DCDC2: variants seen among roughly 807,000 people sequenced by gnomAD.
DCDC2 encodes the protein doublecortin domain-containing protein 2.
Under a neutral mutation model 50.2 loss-of-function variants are expected in DCDC2, and 40 were observed. That is an observed-to-expected ratio of 0.80 (90% CI 0.62 to 1.04). The LOEUF (loss-of-function observed/expected upper bound fraction) is 1.04. DCDC2 is among the 50% of genes least tolerant of loss of function. The probability of loss-of-function intolerance (pLI) is 0.00; values close to 1 mark genes in which losing one functional copy is unlikely to be tolerated. For missense variants in DCDC2, 570 were observed against 581.9 expected, an observed-to-expected ratio of 0.98 and a Z score of 0.21; for synonymous variants, 234 against 210.6, an observed-to-expected ratio of 1.11 and a Z score of -0.96.
At chr6:24,368,918 G>A in the DCDC2 span, among the ~76,000 whole-genome samples, 1 of 152,136 alleles carries the variant, frequency 6.6e-6, no homozygotes, top group South Asian at 2.1e-4. Flanking sequence ...CGGATCATTT[G>A]AAGTCAAGAG....
intron 7 of DCDC2, among the ~76,000 whole-genome samples, chr6:24,221,713 T>C (rs1310873613): frequency 6.6e-6 from 1 of 152,240 alleles, no homozygotes; most frequent in Non-Finnish European, 1.5e-5. Context: ...GTGAAGTGGA[T>C]ATTTTTAGCC....
At chr6:24,182,546 A>G (rs1761096673) in intron 8 of DCDC2, among the ~76,000 whole-genome samples, 1 of 150,444 alleles carries the variant, frequency 6.6e-6, no homozygotes, top group South Asian at 2.1e-4. Context: ...AATCACATGA[A>G]AAGATTGTCA....
chr6:24,249,314 T>C (rs1408775480), intron 7 of DCDC2, among the ~76,000 whole-genome samples: 2 of 152,180 alleles, frequency 1.3e-5, no homozygotes, highest in African/African-American at 4.8e-5. Context: ...CTAGTATTAA[T>C]TGCTAAAATT....
chr6:24,277,187 G>C (rs1763378078), intron 7 of DCDC2, among the ~76,000 whole-genome samples: 3 of 152,102 alleles, frequency 2.0e-5, no homozygotes, highest in Admixed American at 6.5e-5. Context: ...CTCCCAGGTG[G>C]AAGGTAAGGC....
intron 2 of DCDC2, among the ~76,000 whole-genome samples, chr6:24,310,983 G>C (rs1003226792): frequency 1.3e-5 from 2 of 152,086 alleles, no homozygotes; most frequent in Non-Finnish European, 2.9e-5. Context: ...ACCTAGCATG[G>C]TCTAACCAGG....
the DCDC2 span, among the ~76,000 whole-genome samples, chr6:24,370,641 T>C: frequency 6.6e-6 from 1 of 152,094 alleles, no homozygotes; most frequent in Non-Finnish European, 1.5e-5. Context: ...GCCTGGGAGA[T>C]CAAGGCTGTA....
intron 2 of DCDC2, among the ~76,000 whole-genome samples, chr6:24,307,841 G>A (rs78484188): frequency 0.033 from 5,033 of 151,920 alleles, 232 homozygotes; most frequent in African/African-American, 0.11. Context: ...TAGACTGAAC[G>A]GGCCCTATTT....
intron 4 of DCDC2, 119 bp from the exon 5 acceptor site, chr6:24,291,197 C>T: frequency 9.9e-7 from 1 of 1,014,776 alleles, no homozygotes; most frequent in Non-Finnish European, 1.4e-6. Context: ...TAAAAACATT[C>T]TGTACTTAAT....
chr6:24,261,247 C>T (rs932806952), intron 7 of DCDC2, among the ~76,000 whole-genome samples: 33 of 142,716 alleles, frequency 2.3e-4, no homozygotes, highest in Non-Finnish European at 3.9e-4. Flanking sequence ...CAGAATGTCT[C>T]TACCTTTGTT....
chr6:24,216,740 T>C (rs1253476393), intron 7 of DCDC2, among the ~76,000 whole-genome samples: 1 of 152,264 alleles, frequency 6.6e-6, no homozygotes, highest in East Asian at 1.9e-4. Context: ...TCTCATGAAA[T>C]GCAAACATTT....
chr6:24,381,325 T>G, the DCDC2 span, among the ~76,000 whole-genome samples: 2 of 152,140 alleles, frequency 1.3e-5, no homozygotes, highest in Admixed American at 6.6e-5. Context: ...ACAATGTACC[T>G]TAGATCCCCA....
chr6:24,191,434 G>T (rs1406836101), intron 8 of DCDC2, among the ~76,000 whole-genome samples: 2 of 152,188 alleles, frequency 1.3e-5, no homozygotes, highest in African/African-American at 4.8e-5. Context: ...TATTATGTAT[G>T]TGTAGACCAA....
At chr6:24,291,818 T>G (rs1763759354) in intron 4 of DCDC2, among the ~76,000 whole-genome samples, 1 of 152,192 alleles carries the variant, frequency 6.6e-6, no homozygotes, top group African/African-American at 2.4e-5. Flanking sequence ...TTTCTTAGCA[T>G]ATTCATCAGG....
At chr6:24,336,623 A>C (rs1343398666) in intron 2 of DCDC2, among the ~76,000 whole-genome samples, 2 of 152,174 alleles carry the variant, frequency 1.3e-5, no homozygotes, top group Non-Finnish European at 2.9e-5. Flanking sequence ...CTGACCAAGC[A>C]TTTACATTTA....
At chr6:24,356,739 G>A (rs1376756437) in intron 1 of DCDC2, among the ~76,000 whole-genome samples, 1 of 152,204 alleles carries the variant, frequency 6.6e-6, no homozygotes, top group East Asian at 1.9e-4. Context: ...AAGGAATCAT[G>A]CCTTGCTCAT....
intron 7 of DCDC2, among the ~76,000 whole-genome samples, chr6:24,271,534 C>G (rs1422565398): frequency 2.6e-5 from 4 of 152,170 alleles, no homozygotes; most frequent in African/African-American, 9.7e-5. Flanking sequence ...CCAGGTCTGG[C>G]TCCTCCAGCT....
intron 2 of DCDC2, among the ~76,000 whole-genome samples, chr6:24,327,399 T>C (rs1324271661): frequency 1.3e-5 from 2 of 149,610 alleles, no homozygotes; most frequent in Non-Finnish European, 3.0e-5. Context: ...GCATTTCATA[T>C]ATATAATTAG....
chr6:24,184,192 G>T (rs546283270), intron 8 of DCDC2, among the ~76,000 whole-genome samples: 1 of 152,224 alleles, frequency 6.6e-6, no homozygotes, highest in East Asian at 1.9e-4. Context: ...CAAACAAGTC[G>T]CTACAATAAG....
chr6:24,183,664 AC>A (rs1184646190), intron 8 of DCDC2, among the ~76,000 whole-genome samples: 5 of 152,196 alleles, frequency 3.3e-5, no homozygotes, highest in Admixed American at 1.3e-4. Flanking sequence ...AGGGACTCTC[AC>A]GCCTTATGAC....
Sources: allele counts gnomAD v4.1 joint callset (sites outside exome capture counted in the v4.1 genomes callset), GRCh38; gene constraint gnomAD v4.1.1; transcripts MANE v1.5; gene names NCBI Gene and HGNC (gene_info 2026-07-23, HGNC 2026-07-21).